TBL1X: variants seen among roughly 807,000 people sequenced by gnomAD.
TBL1X encodes the protein transducin beta like 1 X-linked, also known as F-box-like/WD repeat-containing protein TBL1X.
In TBL1X, 10 loss-of-function variants were observed where a neutral mutation model predicts 50.7. That is an observed-to-expected ratio of 0.20 (90% CI 0.12 to 0.33). TBL1X has a LOEUF of 0.33. Ranked by LOEUF, TBL1X falls within the 10% of genes least tolerant of loss-of-function variation. The pLI, the probability that TBL1X is intolerant of heterozygous loss-of-function variation, is 1.00. For missense variants in TBL1X, 340 were observed against 504.4 expected (o/e 0.67, Z 3.12); for synonymous variants, 190 against 214.7 (o/e 0.88, Z 1.01).
chrX:9,546,871 T>A (rs1380752622), intron 2 of TBL1X, among the ~76,000 whole-genome samples: 2 of 85,863 alleles, frequency 2.3e-5, no homozygotes, highest in African/African-American at 8.9e-5. Flanking sequence ...CAGGCTGGAG[T>A]GCAGTGGCGC....
rs749246712 is a variant in TBL1X, at chrX:9,653,682, A to C, written c.96A>C (p.Arg32=). Residue 32 remains arginine (R), a synonymous_variant, in exon 4 of 18, where the codon CGA becomes CGC. Transcript: ENST00000645353. ...QSVLHHFQRL[R]GREGGSHFIN... Reference sequence around the variant, plus strand: ...TCTTGCACCACTTTCAACGTTTGCGAGGGAGAGGTACTGCGGTTCCTCATG... The same window carrying C: ...TCTTGCACCACTTTCAACGTTTGCGCGGGAGAGGTACTGCGGTTCCTCATG... The C allele has an allele frequency of 1.2e-4, 137 of 1,167,930 alleles. No homozygotes were observed. The highest frequency in any genetic ancestry group is 1.4e-4 in the Non-Finnish European group (124 of 873,513).
chrX:9,484,553 T>C (rs1223839183), intron 1 of TBL1X, among the ~76,000 whole-genome samples: 2 of 111,116 alleles, frequency 1.8e-5, no homozygotes, highest in Non-Finnish European at 3.8e-5. Context: ...CTCAGCATCA[T>C]GATTTTGGGG....
chrX:9,653,828 A>G (rs1416041202), intron 4 of TBL1X, 139 bp downstream of exon 4: 1 of 553,790 alleles, frequency 1.8e-6, no homozygotes, highest in Non-Finnish European at 2.8e-6. Flanking sequence ...GCCTGAGTGC[A>G]CTTTGGGATT....
chrX:9,554,166 C>A (rs2082283935), intron 2 of TBL1X, among the ~76,000 whole-genome samples: 1 of 112,643 alleles, frequency 8.9e-6, no homozygotes, highest in Non-Finnish European at 1.9e-5. Flanking sequence ...GGGGCATGAG[C>A]TACGGTGCCC....
chrX:9,708,149 G>C (rs2083221173), intron 13 of TBL1X, among the ~76,000 whole-genome samples: 1 of 111,769 alleles, frequency 8.9e-6, no homozygotes, highest in African/African-American at 3.3e-5. Context: ...CTCCTGGGTA[G>C]GCTGTTCCCC....
chrX:9,466,555 C>G (rs745835454), intron 1 of TBL1X, among the ~76,000 whole-genome samples: 2 of 112,403 alleles, frequency 1.8e-5, no homozygotes, highest in Non-Finnish European at 3.8e-5. Context: ...ACTGTTTCTG[C>G]TTTGCATTGT....
chrX:9,475,177 T>G (rs2146927466), intron 1 of TBL1X, among the ~76,000 whole-genome samples: 1 of 112,161 alleles, frequency 8.9e-6, no homozygotes, highest in African/African-American at 3.2e-5. Flanking sequence ...ACCTGCTGTT[T>G]TTGTTTTTGA....
chrX:9,592,336 G>A (rs1235680380), intron 2 of TBL1X, among the ~76,000 whole-genome samples: 3 of 111,604 alleles, frequency 2.7e-5, no homozygotes, highest in Non-Finnish European at 5.6e-5. Context: ...ATTCATCTTG[G>A]GGCTTCTTTA....
At chrX:9,558,761 C>T (rs1222166528) in intron 2 of TBL1X, among the ~76,000 whole-genome samples, 1 of 110,689 alleles carries the variant, frequency 9.0e-6, no homozygotes, top group African/African-American at 3.3e-5. Flanking sequence ...TTACTGTAAT[C>T]CCCAGGAGAC....
chrX:9,690,623 T>A (rs2083090948), intron 7 of TBL1X, among the ~76,000 whole-genome samples: 1 of 112,208 alleles, frequency 8.9e-6, no homozygotes, highest in Non-Finnish European at 1.9e-5. Flanking sequence ...GGACATAGTT[T>A]AGCCCATAAC....
rs369408094 is a variant in TBL1X, at chrX:9,654,544, C to T, written c.211+222C>T. On this transcript the variant is annotated intron_variant, in intron 5 of 17. Coordinates refer to ENST00000645353, the MANE Select transcript of TBL1X (RefSeq NM_005647.4). ...CCTTGACACTTCTGTGCAGATGAAT[C>T]AGGCAGGAATCAAGAGCGGTTGTGG... Among the ~76,000 whole-genome samples the T allele has an allele frequency of 3.8e-4, 42 of 111,745 alleles. 1 individual carries two copies. The South Asian group carries it at 0.016, about 42-fold the overall frequency.
intron 12 of TBL1X, 119 bp downstream of exon 12, chrX:9,697,548 G>A: frequency 1.0e-6 from 1 of 1,000,509 alleles, no homozygotes; most frequent in South Asian, 2.2e-5. Context: ...GAAGCAGGTG[G>A]ATTGCATGAG....
rs1420143696 is a variant in TBL1X, at chrX:9,507,840, G to A, written c.-131+5991G>A. 3.6e-5 allele frequency among the ~76,000 whole-genome samples: 4 copies of A among 112,233 alleles called. No homozygotes were observed. In the Admixed American group the frequency reaches 3.8e-4, roughly 11 times the overall value. On this transcript the variant is annotated intron_variant, in intron 2 of 17. Coordinates refer to ENST00000645353, the MANE Select transcript of TBL1X (RefSeq NM_005647.4). ...AAATCTGCCGAAAACAAGCAATGGG[G>A]AAAGGATCTCCTTATTCAGTAAATG...
intron 2 of TBL1X, among the ~76,000 whole-genome samples, chrX:9,509,546 T>C (rs974430315): frequency 5.0e-5 from 5 of 99,580 alleles, no homozygotes; most frequent in Non-Finnish European, 1.0e-4. Flanking sequence ...GTGTTAGTTA[T>C]GTGGTCATGG....
intron 12 of TBL1X, among the ~76,000 whole-genome samples, chrX:9,701,787 G>A (rs190835409): frequency 7.2e-5 from 8 of 110,894 alleles, no homozygotes; most frequent in Non-Finnish European, 1.1e-4. Context: ...ATCACATGCC[G>A]AAATGCAGAG....
At position 9,605,126 on chromosome X, in the gene TBL1X, T is replaced by C. The variant is rs2082576617; in HGVS notation, c.-130-35147T>C. ...TAAACAGGAGGTAACCTGGGTGTCATGTCACCCAGGTGACATGACACAGGG... is the reference window on the plus strand; with the variant it reads ...TAAACAGGAGGTAACCTGGGTGTCACGTCACCCAGGTGACATGACACAGGG... On this transcript the variant is annotated intron_variant, in intron 2 of 17. Transcript: ENST00000645353. Among the ~76,000 whole-genome samples the C allele has an allele frequency of 3.6e-5, 4 of 110,305 alleles. No individual in the cohort carries two copies. The South Asian group carries it at 1.2e-3, about 33-fold the overall frequency.
chrX:9,670,885 G>T (rs1232676619), intron 5 of TBL1X, among the ~76,000 whole-genome samples: 1 of 112,487 alleles, frequency 8.9e-6, no homozygotes, highest in African/African-American at 3.2e-5. Context: ...AACAGTGAAG[G>T]CCAGCATTTC....
chrX:9,551,693 A>T (rs758538795), intron 2 of TBL1X, among the ~76,000 whole-genome samples: 161 of 111,291 alleles, frequency 1.4e-3, no homozygotes, highest in Non-Finnish European at 2.6e-3. Context: ...CTTGTATTCC[A>T]AGGTATTTGT....
intron 2 of TBL1X, among the ~76,000 whole-genome samples, chrX:9,527,728 A>G (rs976988432): frequency 1.8e-5 from 2 of 110,892 alleles, no homozygotes; most frequent in African/African-American, 3.3e-5. Flanking sequence ...GTGTTTATTT[A>G]TGGGCACTGA....
Sources: allele counts gnomAD v4.1 joint callset (sites outside exome capture counted in the v4.1 genomes callset), GRCh38; gene constraint gnomAD v4.1.1; transcripts MANE v1.5; gene names NCBI Gene and HGNC (gene_info 2026-07-23, HGNC 2026-07-21).